The following CACHD1 variants were observed in gnomAD, a reference collection of about 807,000 sequenced individuals.
The protein encoded by CACHD1 is cache domain containing 1, also known as VWFA and cache domain-containing protein 1.
A neutral mutation model predicts 138.7 loss-of-function variants in CACHD1; 71 were observed. The ratio of observed to expected loss-of-function variants is 0.51; its 90% CI spans 0.42 to 0.62. The LOEUF is 0.62. Ranked by LOEUF, CACHD1 falls within the 20% of genes least tolerant of loss-of-function variation. The pLI is 0.00. For missense variants in CACHD1, 1,389 were observed against 1,625.3 expected (o/e 0.85, Z 2.50); for synonymous variants, 578 against 591.5 (o/e 0.98, Z 0.33).
intron 3 of CACHD1, among the ~76,000 whole-genome samples, chr1:64,588,772 A>AT (rs764122582): frequency 1.3e-4 from 20 of 152,120 alleles, no homozygotes; most frequent in Non-Finnish European, 1.9e-4. Context: ...TGGTATTCTT[A>AT]TTTTTTTAAT....
rs17126892 is a variant in CACHD1, at chr1:64,691,777, G to C, written c.*216G>C. 7.0e-3 allele frequency: 4,013 copies of C among 571,802 alleles called. 119 individuals are homozygous for C. The highest frequency in any genetic ancestry group is 0.068 in the African/African-American group (3,610 of 53,442). 35.4% of individuals were successfully genotyped at this position (571,802 alleles called of 1,614,324 possible). ...AAGATGTGAGGCTGGTTCTGAAATG[G>C]AGGGGAAATAAGCCTGATGAACAGA... On this transcript the variant is annotated 3_prime_UTR_variant, in exon 27 of 27. Transcript: ENST00000651257.
At chr1:64,653,260 GAAAAAAT>G (rs1396819532) in intron 10 of CACHD1, among the ~76,000 whole-genome samples, 1 of 151,478 alleles carries the variant, frequency 6.6e-6, no homozygotes, top group Non-Finnish European at 1.5e-5. Flanking sequence ...GAGAGGAGCA[GAAAAAAT>G]AACTATTGGG....
intron 16 of CACHD1, among the ~76,000 whole-genome samples, chr1:64,667,495 CCAT>C (rs967885773): frequency 4.4e-4 from 67 of 152,156 alleles, no homozygotes; most frequent in African/African-American, 1.5e-3. Flanking sequence ...TCAGCTTCTC[CCAT>C]CATATAAGAT....
chr1:64,587,949 G>A (rs1231735325), intron 3 of CACHD1, among the ~76,000 whole-genome samples: 1 of 151,680 alleles, frequency 6.6e-6, no homozygotes, highest in Non-Finnish European at 1.5e-5. Flanking sequence ...TAGCAATTTA[G>A]AAATCCAAAT....
At position 64,561,874 on chromosome 1, in the gene CACHD1, A is replaced by AAAG. The variant is rs1254046981; in HGVS notation, c.261+11219_261+11220insAGA. Reference sequence around the variant, plus strand: ...CACTGTCTCCAAAAAAAAAAAAAAAAAGTTTCTATTTTGCCTTTTTTCTTA... The same window carrying AAAG: ...CACTGTCTCCAAAAAAAAAAAAAAAAAAGAGTTTCTATTTTGCCTTTTTTCTTA... On this transcript the variant is annotated intron_variant, in intron 2 of 26. Coordinates refer to ENST00000651257, the MANE Select transcript of CACHD1 (RefSeq NM_020925.4). Among the ~76,000 whole-genome samples the AAAG allele has an allele frequency of 4.6e-3, 698 of 151,234 alleles. 6 individuals carry two copies. The highest frequency in any genetic ancestry group is 0.016 in the African/African-American group (666 of 40,978).
At chr1:64,634,921 A>G (rs557149659) in intron 7 of CACHD1, among the ~76,000 whole-genome samples, 2 of 138,386 alleles carry the variant, frequency 1.4e-5, no homozygotes, top group South Asian at 4.8e-4. Context: ...ACTTGAACCC[A>G]GGAGGCAGAG....
At chr1:64,615,067 ATTTCT>A (rs1302287433) in intron 4 of CACHD1, among the ~76,000 whole-genome samples, 1 of 152,042 alleles carries the variant, frequency 6.6e-6, no homozygotes, top group African/African-American at 2.4e-5. Context: ...AATCCCTTTC[ATTTCT>A]TCAGAATCAC....
At chr1:64,580,301 T>C (rs2100533836) in intron 2 of CACHD1, among the ~76,000 whole-genome samples, 1 of 152,320 alleles carries the variant, frequency 6.6e-6, no homozygotes, top group East Asian at 1.9e-4. Flanking sequence ...TTGGAACCTA[T>C]TGACTGAATT....
chr1:64,584,983 T>C (rs1440823981), intron 3 of CACHD1, among the ~76,000 whole-genome samples: 1 of 152,200 alleles, frequency 6.6e-6, no homozygotes. Context: ...GCCTCTTACT[T>C]GATTTGGCCA....
chr1:64,653,658 A>G, intron 10 of CACHD1, 100 bp from the exon 11 acceptor site: 1 of 1,183,776 alleles, frequency 8.4e-7, no homozygotes, highest in South Asian at 1.5e-5. Context: ...GAAGTTGAGT[A>G]TCGGGCAGCC....
intron 3 of CACHD1, among the ~76,000 whole-genome samples, chr1:64,598,128 A>G (rs1647172827): frequency 6.6e-6 from 1 of 152,170 alleles, no homozygotes; most frequent in Non-Finnish European, 1.5e-5. Flanking sequence ...AAAAAGCGGC[A>G]GGCATTGGAG....
intron 1 of CACHD1, among the ~76,000 whole-genome samples, chr1:64,530,939 T>TTG (rs1557478446): frequency 6.7e-6 from 1 of 149,270 alleles, no homozygotes; most frequent in Non-Finnish European, 1.5e-5. Flanking sequence ...TTTTGTTTTT[T>TTG]TTTTTTTTAG....
chr1:64,567,073 G>T (rs1354323498), intron 2 of CACHD1, among the ~76,000 whole-genome samples: 1 of 152,026 alleles, frequency 6.6e-6, no homozygotes, highest in Non-Finnish European at 1.5e-5. Flanking sequence ...TAGATACTGG[G>T]GAATGAGTGG....
intron 3 of CACHD1, among the ~76,000 whole-genome samples, chr1:64,602,294 C>A (rs986630361): frequency 3.3e-5 from 5 of 151,932 alleles, no homozygotes; most frequent in Non-Finnish European, 5.9e-5. Context: ...AAACTGAGAC[C>A]CAGAAAAATT....
intron 12 of CACHD1, 74 bp downstream of exon 12, chr1:64,654,877 C>A: frequency 9.0e-7 from 1 of 1,111,638 alleles, no homozygotes; most frequent in Non-Finnish European, 1.4e-6. Flanking sequence ...GAATTCTCAG[C>A]CAGGGGGTGG....
At chr1:64,643,099 C>T (rs940677891) in intron 8 of CACHD1, among the ~76,000 whole-genome samples, 1 of 140,012 alleles carries the variant, frequency 7.1e-6, no homozygotes, top group Non-Finnish European at 1.5e-5. Flanking sequence ...CAGTCTTTCC[C>T]ACCTACTATC....
intron 6 of CACHD1, 86 bp downstream of exon 6, chr1:64,632,829 A>G: frequency 6.9e-7 from 1 of 1,449,346 alleles, no homozygotes; most frequent in Non-Finnish European, 9.5e-7. Flanking sequence ...TGATATACAG[A>G]TCCTCCTTGA....
chr1:64,603,097 ATCTT>A (rs1256637865), intron 4 of CACHD1, among the ~76,000 whole-genome samples, 185 bp downstream of exon 4: 42 of 134,872 alleles, frequency 3.1e-4, no homozygotes, highest in Admixed American at 4.9e-4. Flanking sequence ...TCAAGCTTAC[ATCTT>A]TTTTTTTTTT....
rs536754649 is a variant in CACHD1 at position 64,487,634 on chromosome 1, A to T, written c.198+16692A>T. ...TTGGTTATGCTGGACCTCCTTTTTT[A>T]AAAAAAAAATGTAACTGATTATCTA... On this transcript the variant is annotated intron_variant, in intron 1 of 26. Coordinates refer to ENST00000651257, the MANE Select transcript of CACHD1 (RefSeq NM_020925.4). 1.2e-3 allele frequency among the ~76,000 whole-genome samples: 174 copies of T among 140,624 alleles called. 2 individuals are homozygous for T. The highest frequency in any genetic ancestry group is 0.011 in the Middle Eastern group (3 of 284). The allele number at this position is 140,624 out of a possible 152,430, so 92.3% of individuals were successfully genotyped here. A position where few individuals can be genotyped will look rare whatever the true frequency, so the allele number is the denominator to read the frequency against.
Sources: gnomAD v4.1 joint callset for allele counts (sites outside exome capture counted in the v4.1 genomes callset) on GRCh38, gnomAD v4.1.1 for gene constraint, MANE v1.5 for transcripts, NCBI Gene and HGNC (gene_info 2026-07-23, HGNC 2026-07-21) for gene names.